Variants in STAB2 observed in about 807,000 individuals in gnomAD.
STAB2 encodes stabilin 2.
In STAB2, 288 loss-of-function variants were observed where a neutral mutation model predicts 338.1. The observed-to-expected ratio is 0.85, with a 90% confidence interval of 0.77 to 0.94. The LOEUF (loss-of-function observed/expected upper bound fraction) is 0.94. STAB2 is among the 40% of genes least tolerant of loss of function. The pLI is 0.00. For missense variants in STAB2, 3,141 were observed against 3,210.1 expected (o/e 0.98, Z 0.52); for synonymous variants, 1,202 against 1,193.3 (o/e 1.01, Z -0.15).
intron 43 of STAB2, among the ~76,000 whole-genome samples, chr12:103,717,153 A>T (rs1253250605): frequency 6.6e-6 from 1 of 152,168 alleles, no homozygotes; most frequent in Non-Finnish European, 1.5e-5. Flanking sequence ...CAGTGAATAG[A>T]GTGTGAGCTG....
chr12:103,717,276 T>C (rs1766374279), intron 43 of STAB2, among the ~76,000 whole-genome samples: 1 of 152,206 alleles, frequency 6.6e-6, no homozygotes, highest in South Asian at 2.1e-4. Flanking sequence ...CCCAACTTCC[T>C]GGGCCAACCA....
chr12:103,646,274 A>G (rs187985959), intron 9 of STAB2, among the ~76,000 whole-genome samples: 2 of 152,338 alleles, frequency 1.3e-5, no homozygotes, highest in East Asian at 3.9e-4. Context: ...AAAATCAGTT[A>G]CTTCCTTCTC....
At chr12:103,715,068 A>T (rs1195090076) in intron 42 of STAB2, among the ~76,000 whole-genome samples, 1 of 152,184 alleles carries the variant, frequency 6.6e-6, no homozygotes, top group East Asian at 1.9e-4. Context: ...GTGTCTTATG[A>T]CATTAACACA....
At chr12:103,766,241 C>A in intron 68 of STAB2, 45 bp from the exon 69 acceptor site, 2 of 1,613,120 alleles carry the variant, frequency 1.2e-6, no homozygotes, top group South Asian at 1.1e-5. Context: ...AACTAGGACT[C>A]AACACACAGA....
intron 51 of STAB2, among the ~76,000 whole-genome samples, chr12:103,733,861 TGATCATATAGGAGCAAGCAC>T (rs986658770): frequency 4.0e-5 from 6 of 148,902 alleles, no homozygotes; most frequent in Non-Finnish European, 7.4e-5. Context: ...GAGAGCAGCA[TGATCATATAGGAGCAAGCAC>T]GATCATATAG....
rs191578286 is a variant in STAB2, at chr12:103,664,083, T to C, written c.2022+1085T>C. On this transcript the variant is annotated intron_variant, in intron 18 of 68. Transcript: ENST00000388887. ...AGCTTCTGTACCCTCTAGCCTTTCC[T>C]ATTTCCATAGCAACTTTTTGGCTCA... Among the ~76,000 whole-genome samples the C allele has an allele frequency of 1.0e-4, 14 of 137,706 alleles. No homozygotes were observed. The East Asian group carries it at 3.2e-3, about 31-fold the overall frequency. 90.3% of individuals were successfully genotyped at this position (137,706 alleles called of 152,430 possible). A position where few individuals can be genotyped will look rare whatever the true frequency, so the allele number is the denominator to read the frequency against.
chr12:103,700,259 A>G (rs1878746538), intron 34 of STAB2, among the ~76,000 whole-genome samples: 1 of 152,264 alleles, frequency 6.6e-6, no homozygotes, highest in Non-Finnish European at 1.5e-5. Flanking sequence ...TCATAATTTT[A>G]ATGTAAATTA....
intron 63 of STAB2, 81 bp downstream of exon 63, chr12:103,755,799 C>A: frequency 3.0e-6 from 4 of 1,319,088 alleles, no homozygotes; most frequent in South Asian, 1.2e-5. Context: ...AGGCCTTAAG[C>A]TGAAGGCCAC....
chr12:103,742,349 C>G, intron 55 of STAB2, 56 bp from the exon 56 acceptor site: 1 of 1,592,404 alleles, frequency 6.3e-7, no homozygotes, highest in Non-Finnish European at 8.6e-7. Context: ...TACAAAGGTG[C>G]TGAGCTGCTC....
chr12:103,760,236 T>C (rs924682504), intron 65 of STAB2, among the ~76,000 whole-genome samples: 2 of 152,084 alleles, frequency 1.3e-5, no homozygotes, highest in African/African-American at 2.4e-5. Context: ...AAATAACTAA[T>C]AATGCCACAA....
At chr12:103,747,690 T>C (rs1045546211) in intron 58 of STAB2, among the ~76,000 whole-genome samples, 1 of 152,100 alleles carries the variant, frequency 6.6e-6, no homozygotes, top group Non-Finnish European at 1.5e-5. Flanking sequence ...TGAAAATCTA[T>C]TATTACAGAA....
At chr12:103,618,886 G>A (rs1364831737) in intron 3 of STAB2, among the ~76,000 whole-genome samples, 1 of 152,160 alleles carries the variant, frequency 6.6e-6, no homozygotes, top group Non-Finnish European at 1.5e-5. Context: ...GACCCAGGGG[G>A]AGGTAATTGA....
At chr12:103,619,382 G>C (rs1305159544) in intron 3 of STAB2, among the ~76,000 whole-genome samples, 1 of 152,088 alleles carries the variant, frequency 6.6e-6, no homozygotes, top group African/African-American at 2.4e-5. Flanking sequence ...ACAACAGCAA[G>C]TATAAAAAGA....
chr12:103,699,252 C>CGG, intron 34 of STAB2, 25 bp downstream of exon 34: 1 of 1,581,974 alleles, frequency 6.3e-7, no homozygotes. Context: ...TGTAAAACCC[C>CGG]AGCAATGCCA....
chr12:103,622,113 T>A lies in STAB2; in HGVS notation c.487+2T>A, dbSNP rs1957311614. 3 of 1,614,062 alleles carry A rather than the reference T, an allele frequency of 1.9e-6. No homozygotes were observed. Among genetic ancestry groups the A allele is most frequent in the Non-Finnish European group, 2.5e-6 (3 of 1,180,012 alleles). On this transcript the variant is annotated splice_donor_variant, in intron 5 of 68. Transcript: ENST00000388887. LOFTEE classifies it high-confidence loss of function. ...TATTTGGACCCAGCTGTTCATCAGGTATGTCTGATTTTTGTGTAATCACCA... is the reference window on the plus strand; with the variant it reads ...TATTTGGACCCAGCTGTTCATCAGGAATGTCTGATTTTTGTGTAATCACCA...
chr12:103,609,130 G>A (rs1003487777), intron 3 of STAB2, among the ~76,000 whole-genome samples: 10 of 152,146 alleles, frequency 6.6e-5, no homozygotes, highest in East Asian at 3.9e-4. Context: ...TGATGCCTCC[G>A]GCTTTGTTCT....
At chr12:103,632,876 C>T (rs1363643261) in intron 6 of STAB2, among the ~76,000 whole-genome samples, 1 of 152,216 alleles carries the variant, frequency 6.6e-6, no homozygotes, top group Non-Finnish European at 1.5e-5. Context: ...GACCATTCTG[C>T]CTCTGCCACT....
At chr12:103,742,631 T>C in intron 56 of STAB2, 77 bp downstream of exon 56, 1 of 1,590,468 alleles carries the variant, frequency 6.3e-7, no homozygotes, top group East Asian at 2.2e-5. Context: ...GCCATCTGCC[T>C]GACCTGGAGG....
chr12:103,695,658 A>G lies in STAB2; in HGVS notation c.3474+10A>G, dbSNP rs763221759. 1.9e-6 allele frequency: 3 copies of G among 1,614,146 alleles called. No homozygotes were observed. Among genetic ancestry groups the G allele is most frequent in the Non-Finnish European group, 2.5e-6 (3 of 1,180,012 alleles). ...CCGGGGCTACATCATTGCAAGTACC[A>G]CATTCTCTGCCTGACCACCATGCTC... On this transcript the variant is annotated intron_variant, in intron 32 of 68. Transcript: ENST00000388887.
Sources: allele counts gnomAD v4.1 joint callset (sites outside exome capture counted in the v4.1 genomes callset), GRCh38; gene constraint gnomAD v4.1.1; transcripts MANE v1.5; gene names NCBI Gene and HGNC (gene_info 2026-07-23, HGNC 2026-07-21).